The following LIFR variants were observed in gnomAD, a reference collection of about 807,000 sequenced individuals.
LIFR encodes the protein leukemia inhibitory factor receptor.
LIFR carries 84 observed loss-of-function variants against 122.2 expected under a neutral mutation model. The observed-to-expected ratio is 0.69, with a 90% CI of 0.58 to 0.82. The LOEUF (loss-of-function observed/expected upper bound fraction) is 0.82. LIFR is among the 40% of genes least tolerant of loss of function. The pLI is 0.00. For missense variants in LIFR, 1,294 were observed against 1,311.6 expected, an observed-to-expected ratio of 0.99 and a Z score of 0.21; for synonymous variants, 422 against 434.7, an observed-to-expected ratio of 0.97 and a Z score of 0.36.
intron 1 of LIFR, among the ~76,000 whole-genome samples, chr5:38,567,998 T>G (rs891222273): frequency 1.3e-5 from 2 of 152,206 alleles, no homozygotes; most frequent in Non-Finnish European, 2.9e-5. Context: ...CTGTTCAGAT[T>G]CAACCTATTC....
At chr5:38,598,790 C>T (rs1750171079), upstream of LIFR, among the ~76,000 whole-genome samples, 1 of 152,176 alleles carries the variant, frequency 6.6e-6, no homozygotes, top group East Asian at 1.9e-4. Flanking sequence ...AGCATTGTTC[C>T]CACTTTGCTA....
intron 1 of LIFR, among the ~76,000 whole-genome samples, chr5:38,537,175 TCC>T (rs1169958566): frequency 4.6e-5 from 7 of 152,162 alleles, no homozygotes; most frequent in Non-Finnish European, 8.8e-5. Context: ...CCAAAGGCTC[TCC>T]ACTGTTTCAA....
At chr5:38,521,984 A>G (rs1746425599) in intron 5 of LIFR, among the ~76,000 whole-genome samples, 1 of 152,146 alleles carries the variant, frequency 6.6e-6, no homozygotes, top group African/African-American at 2.4e-5. Context: ...CTCTCGTAGT[A>G]CATGTAGACA....
At chr5:38,507,170 T>A (rs569710922) in intron 7 of LIFR, among the ~76,000 whole-genome samples, 5 of 152,138 alleles carry the variant, frequency 3.3e-5, no homozygotes, top group African/African-American at 1.2e-4. Context: ...GCGGCTCTTT[T>A]GTTGTTTTTC....
At position 38,493,675 on chromosome 5, in the gene LIFR, G is replaced by A. The variant is rs780738548; in HGVS notation, c.1996C>T (p.Arg666Trp). The A allele has an allele frequency of 6.8e-6, 11 of 1,614,010 alleles. No individual in the cohort carries two copies. The highest frequency in any genetic ancestry group is 1.6e-4 in the Middle Eastern group (1 of 6,084). Residue 666 changes from arginine (R) to tryptophan (W), a missense_variant, in exon 14 of 20, where the codon CGG becomes TGG. Physicochemically the swap from Arg to Trp is moderately radical, Grantham distance 101 (BLOSUM62 -3). Coordinates refer to ENST00000453190, the MANE Select transcript of LIFR (RefSeq NM_001127671.2). ...CAGTCCATAAGGCATGGTTCCGACC[G>A]AGACGAGTTACACCACTTAATGACG... is the stretch of plus-strand genomic sequence containing the variant. ...DYVIKWCNSS[R>W]SEPCLMDWRK... is the part of the protein sequence containing the mutation.
intron 12 of LIFR, among the ~76,000 whole-genome samples, chr5:38,497,317 G>C (rs2112434197): frequency 6.6e-6 from 1 of 152,250 alleles, no homozygotes; most frequent in African/African-American, 2.4e-5. Flanking sequence ...TCTCTCAACA[G>C]TGTAAAACAC....
At chr5:38,484,605 AAT>A (rs564906683) in intron 18 of LIFR, among the ~76,000 whole-genome samples, 168 bp downstream of exon 18, 4 of 152,352 alleles carry the variant, frequency 2.6e-5, no homozygotes, top group South Asian at 2.1e-4. Context: ...ACCTTTAAAT[AAT>A]ATGTCATGTT....
chr5:38,559,838 C>T (rs1323757366), upstream of LIFR, among the ~76,000 whole-genome samples: 1 of 152,214 alleles, frequency 6.6e-6, no homozygotes, highest in Non-Finnish European at 1.5e-5. Context: ...ATCTTCTTCC[C>T]AGCTACTGGC....
intron 1 of LIFR, among the ~76,000 whole-genome samples, chr5:38,586,048 C>T (rs1272219783): frequency 2.0e-5 from 3 of 152,146 alleles, no homozygotes; most frequent in Admixed American, 6.5e-5. Context: ...TCCGCTTCCC[C>T]TTTTCCCCAC....
intron 11 of LIFR, among the ~76,000 whole-genome samples, chr5:38,501,245 C>A (rs1353271058): frequency 6.6e-6 from 1 of 152,230 alleles, no homozygotes; most frequent in African/African-American, 2.4e-5. Context: ...TGTACTCATG[C>A]ATAGCTTTCA....
intron 17 of LIFR, chr5:38,485,541 T>C: frequency 2.1e-6 from 1 of 474,794 alleles, no homozygotes; most frequent in Non-Finnish European, 3.8e-6. Flanking sequence ...TGTTGACCGT[T>C]AGATAAATTC....
At chr5:38,580,771 G>A (rs943552216) in intron 1 of LIFR, among the ~76,000 whole-genome samples, 5 of 152,090 alleles carry the variant, frequency 3.3e-5, no homozygotes, top group African/African-American at 1.2e-4. Flanking sequence ...TAAAGAATGA[G>A]GCATTATCTG....
chr5:38,552,848 T>C (rs1311564130), intron 1 of LIFR, among the ~76,000 whole-genome samples: 2 of 152,238 alleles, frequency 1.3e-5, no homozygotes, highest in Non-Finnish European at 2.9e-5. Flanking sequence ...GTAAGATTAT[T>C]TCGTAAATTC....
At chr5:38,567,542 A>ATTTATTTT in intron 1 of LIFR, among the ~76,000 whole-genome samples, 2 of 148,194 alleles carry the variant, frequency 1.3e-5, no homozygotes, top group South Asian at 2.2e-4. Flanking sequence ...TTATTTATTT[A>ATTTATTTT]TTTTGAAGAC....
chr5:38,515,038 C>A (rs115796366), intron 5 of LIFR, among the ~76,000 whole-genome samples: 8,024 of 152,172 alleles, frequency 0.053, 250 homozygotes, highest in Middle Eastern at 0.099. Flanking sequence ...AAAAGAAGAT[C>A]CATCATAAGA....
At chr5:38,605,073 C>A (rs1218662235) in intron 2 of LIFR, among the ~76,000 whole-genome samples, 2 of 152,084 alleles carry the variant, frequency 1.3e-5, no homozygotes, top group African/African-American at 4.8e-5. Context: ...AAGTAACAGG[C>A]CTCCGAGAGA....
chr5:38,484,138 T>C (rs1041204383), intron 18 of LIFR, among the ~76,000 whole-genome samples: 1 of 152,248 alleles, frequency 6.6e-6, no homozygotes, highest in African/African-American at 2.4e-5. Context: ...CCTTTGGAAC[T>C]GTACCGCAGA....
intron 11 of LIFR, among the ~76,000 whole-genome samples, chr5:38,499,831 C>G (rs1012933894): frequency 4.6e-5 from 7 of 152,144 alleles, no homozygotes; most frequent in African/African-American, 1.7e-4. Context: ...CCCTCTGCCT[C>G]ACATCCTCTC....
At chr5:38,586,677 A>C (rs1474933482) in intron 1 of LIFR, among the ~76,000 whole-genome samples, 1 of 152,178 alleles carries the variant, frequency 6.6e-6, no homozygotes, top group Non-Finnish European at 1.5e-5. Context: ...TGATTGATAG[A>C]CTGGGTTAGG....
Sources: gnomAD v4.1 joint callset for allele counts (sites outside exome capture counted in the v4.1 genomes callset) on GRCh38, gnomAD v4.1.1 for gene constraint, MANE v1.5 for transcripts, NCBI Gene and HGNC (gene_info 2026-07-23, HGNC 2026-07-21) for gene names.